ACTR3: variants seen among roughly 807,000 people sequenced by gnomAD.
The protein encoded by ACTR3 is actin-related protein 3.
ACTR3 carries 12 observed loss-of-function variants against 56.8 expected under a neutral mutation model. The ratio of observed to expected loss-of-function variants is 0.21; its 90% confidence interval spans 0.14 to 0.34. ACTR3 has a LOEUF of 0.34. Ranked by LOEUF, ACTR3 falls within the 10% of genes least tolerant of loss-of-function variation. The pLI is 1.00. For synonymous variants in ACTR3, 162 were observed against 167.4 expected (o/e 0.97, Z 0.25); for missense variants, 282 against 512.5 (o/e 0.55, Z 4.34).
chr2:113,955,394 T>G (rs757886446), intron 10 of ACTR3: 10 of 379,864 alleles, frequency 2.6e-5, no homozygotes, highest in Non-Finnish European at 4.2e-5. Context: ...AAACATGTGC[T>G]CATTGTTATT....
intron 4 of ACTR3, among the ~76,000 whole-genome samples, chr2:113,929,860 G>T (rs1040209265): frequency 6.6e-6 from 1 of 151,586 alleles, no homozygotes; most frequent in African/African-American, 2.4e-5. Flanking sequence ...TGTAATTTTA[G>T]TAGAGACAGG....
rs983144166 is a variant in ACTR3 at position 113,930,683 on chromosome 2, A to C, written c.337-618A>C. Reference sequence around the variant, plus strand: ...TCTCTGAGTCCTTCCTTGCCTCTTTAGAGTGTGTTCTGTCCCAGACTTAAC... The same window carrying C: ...TCTCTGAGTCCTTCCTTGCCTCTTTCGAGTGTGTTCTGTCCCAGACTTAAC... On this transcript the variant is annotated intron_variant, in intron 4 of 11. Transcript: ENST00000263238. 3.9e-5 allele frequency among the ~76,000 whole-genome samples: 6 copies of C among 152,202 alleles called. No homozygotes were observed. In the South Asian group the frequency reaches 1.2e-3, roughly 31 times the overall value.
chr2:113,909,280 T>C (rs1016299475), intron 1 of ACTR3, among the ~76,000 whole-genome samples: 1 of 152,182 alleles, frequency 6.6e-6, no homozygotes, highest in African/African-American at 2.4e-5. Flanking sequence ...GACTGTTTTG[T>C]ATTAGGTTCA....
intron 1 of ACTR3, among the ~76,000 whole-genome samples, chr2:113,894,672 C>G (rs1678972086): frequency 6.6e-6 from 1 of 152,170 alleles, no homozygotes; most frequent in Non-Finnish European, 1.5e-5. Context: ...TATTGTAAAA[C>G]ACAGTTCAGA....
At position 113,927,355 on chromosome 2, in the gene ACTR3, G is replaced by A; in HGVS notation, c.236G>A (p.Arg79His). ...TTTTTGTTTTAATAGTGGCCAATCC[G>A]CCATGGTATAGTTGAAGATTGGGAC... ...KPTYATKWPI[R>H]HGIVEDWDLM... The change falls in exon 4 of 12, where the codon CGC (arginine) becomes CAC (histidine). Residue 79 changes from arginine to histidine, a missense_variant. Transcript: ENST00000263238. The A allele has an allele frequency of 6.4e-7, 1 of 1,555,334 alleles. No homozygotes were observed.
chr2:113,936,458 G>T (rs1679829522), intron 6 of ACTR3, among the ~76,000 whole-genome samples: 1 of 151,650 alleles, frequency 6.6e-6, no homozygotes, highest in Non-Finnish European at 1.5e-5. Context: ...TCATTTGTTT[G>T]TTTTTGGTGG....
At chr2:113,913,868 G>A (rs1679353958) in intron 2 of ACTR3, among the ~76,000 whole-genome samples, 1 of 152,152 alleles carries the variant, frequency 6.6e-6, no homozygotes, top group Admixed American at 6.5e-5. Context: ...GTTAGCATAG[G>A]TCTGTTCCTT....
intron 6 of ACTR3, 164 bp downstream of exon 6, chr2:113,934,550 A>G (rs1679789446): frequency 2.3e-6 from 1 of 438,676 alleles, no homozygotes; most frequent in Non-Finnish European, 4.0e-6. Context: ...AACTTTTATA[A>G]ACAATTCAAA....
intron 3 of ACTR3, among the ~76,000 whole-genome samples, chr2:113,921,379 C>T (rs1679506855): frequency 6.7e-6 from 1 of 149,128 alleles, no homozygotes; most frequent in Non-Finnish European, 1.5e-5. Context: ...TGTTAATCCT[C>T]TGTCAGATGT....
In ACTR3 at chr2:113,960,639, C is replaced by CT. The variant is rs2104638292; in HGVS notation, c.*3185dup. On this transcript the variant is annotated 3_prime_UTR_variant, in exon 12 of 12. Transcript: ENST00000263238. ...TTGTTCCTCTTCATTCTGGGCTAAT[C>CT]TGTCAATACTGAAGTCCAGTCTTTT... The CT allele has an allele frequency of 6.6e-6, 1 of 152,090 alleles. No homozygotes were observed. Among genetic ancestry groups the CT allele is most frequent in the African/African-American group, 2.4e-5 (1 of 41,538 alleles). 9.4% of individuals were successfully genotyped at this position (152,090 alleles called of 1,614,324 possible). A position where few individuals can be genotyped will look rare whatever the true frequency, so the allele number is the denominator to read the frequency against.
Position 113,905,444 on chromosome 2 carries a change from G to A in ACTR3, c.45-7728G>A, listed in dbSNP as rs1298860472. Among the ~76,000 whole-genome samples, 4 of 147,580 alleles carry A rather than the reference G, an allele frequency of 2.7e-5. No individual in the cohort carries two copies. In the Admixed American group the frequency reaches 2.7e-4, roughly 10 times the overall value. On this transcript the variant is annotated intron_variant, in intron 1 of 11. Transcript: ENST00000263238. Reference sequence around the variant, plus strand: ...GGCGCCACGGGACTCCAGCCTAGGCGACAGAACAAGACTCCGTCTCAAAAA... The same window carrying A: ...GGCGCCACGGGACTCCAGCCTAGGCAACAGAACAAGACTCCGTCTCAAAAA...
rs1225161164 is a variant in ACTR3 at position 113,955,520 on chromosome 2, T to G, written c.1078-103T>G. ...CTGGTTTGTAAGATACCACCTGAAT[T>G]TAGTACAGATATTATTTTTGTATAT... On this transcript the variant is annotated intron_variant, in intron 10 of 11. Transcript: ENST00000263238. 3.6e-6 allele frequency: 3 copies of G among 825,320 alleles called. No individual in the cohort carries two copies. The African/African-American group carries it at 5.3e-5, about 15-fold the overall frequency. 51.1% of individuals were successfully genotyped at this position (825,320 alleles called of 1,614,324 possible).
At position 113,941,821 on chromosome 2, in the gene ACTR3, G is replaced by A. The variant is rs141838299; in HGVS notation, c.685-365G>A. Among the ~76,000 whole-genome samples the A allele has an allele frequency of 7.9e-5, 12 of 152,044 alleles. No homozygotes were observed. The East Asian group carries it at 2.1e-3, about 27-fold the overall frequency. The stretch of plus-strand genomic sequence containing the variant: ...TATCACAATTATTACTTATTCTTCA[G>A]TTCTGTATTTTATTTATTCTCCTTA... On this transcript the variant is annotated intron_variant, in intron 7 of 11. Coordinates refer to ENST00000263238, the MANE Select transcript of ACTR3 (RefSeq NM_005721.5).
intron 4 of ACTR3, among the ~76,000 whole-genome samples, chr2:113,930,292 A>T (rs1440634274): frequency 1.3e-5 from 2 of 152,128 alleles, no homozygotes; most frequent in Non-Finnish European, 2.9e-5. Flanking sequence ...CACCACAGGG[A>T]GTTTAGCTTA....
At chr2:113,923,350 G>GTTTGTTT (rs1553494515) in intron 3 of ACTR3, among the ~76,000 whole-genome samples, 1 of 56,938 alleles carries the variant, frequency 1.8e-5, no homozygotes, top group African/African-American at 4.1e-5. Context: ...TTGTTTGTTT[G>GTTTGTTT]TTTTTGAGAC....
chr2:113,910,880 A>G (rs1274268419), intron 1 of ACTR3, among the ~76,000 whole-genome samples: 1 of 152,238 alleles, frequency 6.6e-6, no homozygotes, highest in Non-Finnish European at 1.5e-5. Context: ...TGGTGGTGAC[A>G]AATAAGAATA....
chr2:113,910,980 T>C (rs1233823869), intron 1 of ACTR3, among the ~76,000 whole-genome samples: 1 of 152,162 alleles, frequency 6.6e-6, no homozygotes, highest in African/African-American at 2.4e-5. Context: ...GGCTTTTAGG[T>C]AGAGTGTTTT....
intron 5 of ACTR3, among the ~76,000 whole-genome samples, chr2:113,932,272 T>C (rs1162919708): frequency 6.6e-6 from 1 of 152,248 alleles, no homozygotes; most frequent in East Asian, 1.9e-4. Context: ...AGGAGTCACT[T>C]AAACCTGTCA....
intron 6 of ACTR3, among the ~76,000 whole-genome samples, chr2:113,937,085 A>G (rs1679841952): frequency 6.6e-6 from 1 of 152,154 alleles, no homozygotes; most frequent in African/African-American, 2.4e-5. Flanking sequence ...CAATTTACCC[A>G]GTAGCAAAAA....
Sources: allele counts gnomAD v4.1 joint callset (sites outside exome capture counted in the v4.1 genomes callset), GRCh38; gene constraint gnomAD v4.1.1; transcripts MANE v1.5; gene names NCBI Gene and HGNC (gene_info 2026-07-23, HGNC 2026-07-21).